SVEP1: variants seen among roughly 807,000 people sequenced by gnomAD.
SVEP1 encodes sushi, von Willebrand factor type A, EGF and pentraxin domain-containing protein 1.
Under a neutral mutation model 367.3 loss-of-function variants are expected in SVEP1, and 164 were observed. The observed-to-expected ratio is 0.45, with a 90% CI of 0.39 to 0.51. SVEP1 has a LOEUF of 0.51. Among genes scored for constraint, SVEP1 ranks in the 20% least tolerant of loss-of-function variants. The pLI is 0.00. For synonymous variants in SVEP1, 1,666 were observed against 1,611.6 expected, an observed-to-expected ratio of 1.03 and a Z score of -0.81; for missense variants, 4,117 against 4,425.3, an observed-to-expected ratio of 0.93 and a Z score of 1.98.
chr9:110,476,299 C>A lies in SVEP1; in HGVS notation c.2504G>T (p.Ser835Ile), dbSNP rs1829095661. 1 of 1,612,524 alleles carries A rather than the reference C, an allele frequency of 6.2e-7. No homozygotes were observed. The highest frequency in any genetic ancestry group is 1.3e-5 in the African/African-American group (1 of 74,962). The change falls in exon 14 of 48, where the codon AGT becomes ATT. Residue 835 changes from serine to isoleucine, a missense_variant. Physicochemically the swap from Ser to Ile is moderately radical, Grantham distance 142. This residue lies in a region of SVEP1 where 2,174 missense variants were observed against 2,494.3 expected (regional missense o/e 0.87). Coordinates refer to ENST00000374469, the MANE Select transcript of SVEP1 (RefSeq NM_153366.4). ...TCTGCAGTCAATGTCCTCTGCATCA[C>A]TACAAAATGATGGGACCTGCAAGTA... is the stretch of plus-strand genomic sequence containing the variant. Reference protein sequence around the residue: ...TLGKMVPSFCSDAEDIDCRLE... With the variant: ...TLGKMVPSFCIDAEDIDCRLE...
At chr9:110,495,953 T>A (rs79689149) in intron 8 of SVEP1, among the ~76,000 whole-genome samples, 12,508 of 152,184 alleles carry the variant, frequency 0.082, 576 homozygotes, top group Non-Finnish European at 0.094. Context: ...TAGGATTGAG[T>A]CCACATCTTT....
At chr9:110,513,164 CTTTT>C in intron 4 of SVEP1, 59 bp from the exon 5 acceptor site, 1 of 1,146,468 alleles carries the variant, frequency 8.7e-7, no homozygotes, top group South Asian at 1.8e-5. Context: ...ATGACATATC[CTTTT>C]TTTTTTTTCT....
At position 110,387,418 on chromosome 9, in the gene SVEP1, T is replaced by C. The variant is rs570620715; in HGVS notation, c.9927A>G (p.Lys3309=). The change falls in exon 42 of 48, where the codon AAA becomes AAG. Residue 3309 remains lysine (K), a synonymous_variant. Coordinates refer to ENST00000374469, the MANE Select transcript of SVEP1 (RefSeq NM_153366.4). Reference sequence around the variant, plus strand: ...CAGTCGTCCTGTTTTCAATGTCAGCTTTCCCATTGAGAAATTCAAGTGGAG... The same window carrying C: ...CAGTCGTCCTGTTTTCAATGTCAGCCTTCCCATTGAGAAATTCAAGTGGAG... ...CETPLEFLNG[K]ADIENRTTGP... 1 of 1,612,314 alleles carries C rather than the reference T, an allele frequency of 6.2e-7. No individual in the cohort carries two copies. The highest frequency in any genetic ancestry group is 1.3e-5 in the African/African-American group (1 of 74,702).
rs1179623873 is a variant in SVEP1 at position 110,407,330 on chromosome 9, C to T, written c.8270G>A (p.Cys2757Tyr). ...HILAGSDLRL[C>Y]LENRKWSGAS... ...ACCACTCCACTTTCTATTCTCTAGA[C>T]AAAGCCTTAAGTCAGAGCCTGCTAG... Residue 2757 changes from cysteine to tyrosine, a missense_variant, in exon 38 of 48, where the codon TGT becomes TAT. Cys to Tyr is a radical substitution (Grantham distance 194, BLOSUM62 -2). Around this residue, in one of 4 missense-constraint regions of SVEP1, gnomAD observed 1,765 missense variants for 1,781.1 expected, o/e 0.99. Transcript: ENST00000374469. 6 of 1,613,890 alleles carry T rather than the reference C, an allele frequency of 3.7e-6. No individual in the cohort carries two copies. The highest frequency in any genetic ancestry group is 1.3e-5 in the African/African-American group (1 of 74,940).
At chr9:110,389,881 C>A (rs906647675) in intron 40 of SVEP1, among the ~76,000 whole-genome samples, 2 of 131,602 alleles carry the variant, frequency 1.5e-5, no homozygotes, top group African/African-American at 5.0e-5. Context: ...ACAAAGAATG[C>A]ATTAGAAGTA....
intron 1 of SVEP1, among the ~76,000 whole-genome samples, chr9:110,550,680 G>A (rs559277807): frequency 6.6e-6 from 1 of 150,984 alleles, no homozygotes; most frequent in South Asian, 2.1e-4. Context: ...ATGTAGAATT[G>A]ATTCAATACT....
At chr9:110,402,520 T>A (rs1027528479) in intron 39 of SVEP1, among the ~76,000 whole-genome samples, 1 of 151,904 alleles carries the variant, frequency 6.6e-6, no homozygotes, top group South Asian at 2.1e-4. Context: ...AAAACCCAGT[T>A]GAGCAAAAAA....
At chr9:110,553,538 G>A (rs1464333778) in intron 1 of SVEP1, among the ~76,000 whole-genome samples, 1 of 152,148 alleles carries the variant, frequency 6.6e-6, no homozygotes, top group Non-Finnish European at 1.5e-5. Flanking sequence ...CTATTTAGAA[G>A]GAGAGGCAAG....
intron 40 of SVEP1, among the ~76,000 whole-genome samples, chr9:110,397,833 A>G (rs1405114308): frequency 6.6e-6 from 1 of 152,140 alleles, no homozygotes; most frequent in African/African-American, 2.4e-5. Flanking sequence ...CTGCTCAATG[A>G]AATAAAAGAG....
chr9:110,488,316 C>T (rs1045935668), intron 9 of SVEP1, among the ~76,000 whole-genome samples: 7 of 152,026 alleles, frequency 4.6e-5, no homozygotes, highest in Admixed American at 2.6e-4. Flanking sequence ...AAAAGAGATT[C>T]GAACTGGAAA....
In SVEP1 at chr9:110,579,579, G is replaced by A; in HGVS notation, c.-36C>T. The A allele has an allele frequency of 6.5e-7, 1 of 1,532,844 alleles. No homozygotes were observed. Among genetic ancestry groups the A allele is most frequent in the Non-Finnish European group, 8.7e-7 (1 of 1,145,610 alleles). The allele number at this position is 1,532,844 out of a possible 1,614,324, so 95.0% of individuals were successfully genotyped here. The stretch of plus-strand genomic sequence containing the variant: ...ACAGAGCGGCTGCCCCGGAGCGCAG[G>A]CGGCGGCTCGGGCGGGAAGAGGCGC... On this transcript the variant is annotated 5_prime_UTR_variant, in exon 1 of 48. Transcript: ENST00000374469. The surrounding 1 kb of genome is among the most constrained non-coding windows in gnomAD (Gnocchi z 5.3).
chr9:110,439,479 T>C (rs748478342), intron 27 of SVEP1, among the ~76,000 whole-genome samples: 1 of 152,092 alleles, frequency 6.6e-6, no homozygotes, highest in Non-Finnish European at 1.5e-5. Flanking sequence ...CTGCGACCTC[T>C]GCCTCCTGGG....
At position 110,430,107 on chromosome 9, in the gene SVEP1, C is replaced by CTT. The variant is rs11331398; in HGVS notation, c.5531-105_5531-104dup. On this transcript the variant is annotated intron_variant, in intron 33 of 47. Coordinates refer to ENST00000374469, the MANE Select transcript of SVEP1 (RefSeq NM_153366.4). ...AGATCTTTTTTTGTTTGTTTGTTTT[C>CTT]TTTTTTTTTTTTTTTGGTGTGTGTG... 9,328 of 959,976 alleles carry CTT rather than the reference C, an allele frequency of 9.7e-3. 31 individuals carry two copies. The highest frequency in any genetic ancestry group is 0.039 in the East Asian group (1,328 of 34,434). 59.5% of individuals were successfully genotyped at this position (959,976 alleles called of 1,614,324 possible).
intron 5 of SVEP1, 51 bp downstream of exon 5, chr9:110,512,866 TTAAATCAAG>T: frequency 6.3e-7 from 1 of 1,594,670 alleles, no homozygotes; most frequent in Non-Finnish European, 8.6e-7. Flanking sequence ...TTACTAGAGT[TTAAATCAAG>T]GAAATCAGGC....
At position 110,411,302 on chromosome 9, in the gene SVEP1, TG is replaced by T; in HGVS notation, c.6408del (p.Met2137CysfsTer17). 6.2e-7 allele frequency: 1 copy of T among 1,614,030 alleles called. No homozygotes were observed. Among genetic ancestry groups the T allele is most frequent in the South Asian group, 1.1e-5 (1 of 91,086 alleles). On this transcript the variant is annotated frameshift_variant, in exon 37 of 48. Coordinates refer to ENST00000374469, the MANE Select transcript of SVEP1 (RefSeq NM_153366.4). LOFTEE classifies it high-confidence loss of function. ...CMRGGQWNPSPMSIQCIPVRC... is the reference protein window; with the variant it reads ...CMRGGQWNPSXMSIQCIPVRC... Reference sequence around the variant, plus strand: ...CGCACAGGGATGCACTGGATGGACATGGGGGAAGGGTTCCACTGCCCACCTC... The same window carrying T: ...CGCACAGGGATGCACTGGATGGACATGGGGAAGGGTTCCACTGCCCACCTC...
At chr9:110,468,187 T>C (rs1828967203) in intron 17 of SVEP1, among the ~76,000 whole-genome samples, 1 of 152,128 alleles carries the variant, frequency 6.6e-6, no homozygotes, top group African/African-American at 2.4e-5. Flanking sequence ...TGGATTGGAG[T>C]TTGACTTAGA....
At chr9:110,399,494 T>A (rs185155866) in intron 40 of SVEP1, among the ~76,000 whole-genome samples, 1 of 152,022 alleles carries the variant, frequency 6.6e-6, no homozygotes, top group Non-Finnish European at 1.5e-5. Flanking sequence ...ATAATAATAA[T>A]AAAATTAAAA....
intron 1 of SVEP1, among the ~76,000 whole-genome samples, chr9:110,553,382 T>G (rs1340783471): frequency 6.6e-6 from 1 of 152,200 alleles, no homozygotes; most frequent in Non-Finnish European, 1.5e-5. Flanking sequence ...TTAAATTTAG[T>G]ATTGGGGAAA....
chr9:110,410,371 T>C (rs751302534), intron 37 of SVEP1, among the ~76,000 whole-genome samples: 78 of 152,298 alleles, frequency 5.1e-4, no homozygotes, highest in Non-Finnish European at 7.9e-4. Flanking sequence ...TCCATCACAG[T>C]GAAATTACCT....
Sources: allele counts gnomAD v4.1 joint callset (sites outside exome capture counted in the v4.1 genomes callset), GRCh38; gene constraint gnomAD v4.1.1; regional missense constraint gnomAD v4.1.1; non-coding constraint Gnocchi (gnomAD v3.1); transcripts MANE v1.5; gene names NCBI Gene and HGNC (gene_info 2026-07-23, HGNC 2026-07-21).